ROBO2: variants seen among roughly 807,000 people sequenced by gnomAD.
ROBO2 encodes roundabout guidance receptor 2, also known as roundabout homolog 2.
ROBO2 carries 53 observed loss-of-function variants against 160.8 expected under a neutral mutation model. That is an observed-to-expected ratio of 0.33 (90% CI 0.26 to 0.41). The LOEUF is 0.41. Among genes scored for constraint, ROBO2 ranks in the 10% least tolerant of loss-of-function variants. The pLI is 1.00. For synonymous variants in ROBO2, 664 were observed against 611.7 expected, an observed-to-expected ratio of 1.09 and a Z score of -1.26; for missense variants, 1,577 against 1,722.4, an observed-to-expected ratio of 0.92 and a Z score of 1.49.
At chr3:77,485,886 G>A (rs1447327984) in intron 4 of ROBO2, among the ~76,000 whole-genome samples, 1 of 152,050 alleles carries the variant, frequency 6.6e-6, no homozygotes, top group African/African-American at 2.4e-5. Flanking sequence ...CTATCACCTA[G>A]GTATTAGGTC....
At chr3:76,987,429 T>A (rs1398763828) in intron 2 of ROBO2, among the ~76,000 whole-genome samples, 1 of 152,212 alleles carries the variant, frequency 6.6e-6, no homozygotes, top group African/African-American at 2.4e-5. Flanking sequence ...GATTGAAATC[T>A]TCATCAGGGT....
intron 2 of ROBO2, among the ~76,000 whole-genome samples, chr3:77,188,591 T>C (rs1386500820): frequency 6.6e-6 from 1 of 151,888 alleles, no homozygotes; most frequent in East Asian, 1.9e-4. Context: ...AAAGTGCCAG[T>C]AAAAGTAAAT....
chr3:76,504,263 T>C (rs1299646707), intron 2 of ROBO2, among the ~76,000 whole-genome samples: 1 of 152,214 alleles, frequency 6.6e-6, no homozygotes, highest in Non-Finnish European at 1.5e-5. Context: ...TACACTTTCA[T>C]GAGTGCACTG....
intron 2 of ROBO2, among the ~76,000 whole-genome samples, chr3:77,398,609 T>C (rs1306524526): frequency 6.6e-6 from 1 of 152,020 alleles, no homozygotes; most frequent in African/African-American, 2.4e-5. Flanking sequence ...TTAGAGACAG[T>C]CTCACTCTCC....
intron 2 of ROBO2, among the ~76,000 whole-genome samples, chr3:77,476,742 T>C (rs989738165): frequency 6.6e-6 from 1 of 152,070 alleles, no homozygotes; most frequent in African/African-American, 2.4e-5. Flanking sequence ...TTCTCCTTAA[T>C]GAAAGGAGGG....
chr3:76,138,032 C>A (rs2071494077), intron 2 of ROBO2, among the ~76,000 whole-genome samples: 5 of 151,952 alleles, frequency 3.3e-5, no homozygotes, highest in Admixed American at 3.3e-4. Context: ...ATCATGGGGA[C>A]AATTATTCTA....
intron 2 of ROBO2, among the ~76,000 whole-genome samples, chr3:77,240,312 C>T (rs185001443): frequency 4.1e-4 from 62 of 152,324 alleles, no homozygotes; most frequent in Middle Eastern, 3.4e-3. Flanking sequence ...GGCGCTCCCT[C>T]TGCAGCTGCT....
At chr3:76,938,530 T>C (rs1399542910) in intron 2 of ROBO2, among the ~76,000 whole-genome samples, 2 of 152,062 alleles carry the variant, frequency 1.3e-5, no homozygotes, top group Non-Finnish European at 2.9e-5. Context: ...TCTCTCTCTC[T>C]CTGAGCTTTT....
chr3:77,139,283 T>C (rs563072996), intron 2 of ROBO2, among the ~76,000 whole-genome samples: 13 of 152,316 alleles, frequency 8.5e-5, no homozygotes, highest in African/African-American at 3.1e-4. Flanking sequence ...GAAAACCTTG[T>C]ATTATACCTC....
intron 2 of ROBO2, among the ~76,000 whole-genome samples, chr3:77,373,188 T>A (rs920422429): frequency 7.5e-5 from 11 of 147,490 alleles, no homozygotes; most frequent in African/African-American, 2.0e-4. Flanking sequence ...TATTATATTT[T>A]AAAATTATTA....
intron 2 of ROBO2, among the ~76,000 whole-genome samples, chr3:76,223,034 C>A (rs1049291678): frequency 1.3e-5 from 2 of 151,892 alleles, no homozygotes; most frequent in African/African-American, 4.8e-5. Flanking sequence ...GTATTTCAGG[C>A]ATGCGCCACC....
chr3:77,509,801 A>C (rs567284426), intron 5 of ROBO2, among the ~76,000 whole-genome samples: 1 of 152,088 alleles, frequency 6.6e-6, no homozygotes, highest in African/African-American at 2.4e-5. Flanking sequence ...ACGGCTGCCT[A>C]CTAGGTTCAA....
At chr3:76,424,585 T>G (rs980673314) in intron 2 of ROBO2, among the ~76,000 whole-genome samples, 1 of 152,130 alleles carries the variant, frequency 6.6e-6, no homozygotes, top group Non-Finnish European at 1.5e-5. Context: ...AGAGATACTT[T>G]ATAGGGCCTA....
In ROBO2 at chr3:77,214,502, C is replaced by T. The variant is rs1395914290; in HGVS notation, c.388+116162C>T. On this transcript the variant is annotated intron_variant, in intron 2 of 25. Coordinates refer to ENST00000461745, the Ensembl canonical transcript of ROBO2. The stretch of plus-strand genomic sequence containing the variant: ...GCACATGAGATCAGTTTCCTGAATA[C>T]AGCACACTGATGGGTCTTGACTCTT... Among the ~76,000 whole-genome samples the T allele has an allele frequency of 2.6e-5, 4 of 152,162 alleles. 1 individual carries two copies. The South Asian group carries it at 6.2e-4, about 24-fold the overall frequency.
At chr3:76,579,786 CAAAAAAA>C (rs5850267) in intron 2 of ROBO2, among the ~76,000 whole-genome samples, 7 of 107,150 alleles carry the variant, frequency 6.5e-5, no homozygotes, top group South Asian at 3.0e-4. Context: ...GGTTGAGTTA[CAAAAAAA>C]AAAAAAAAAA....
intron 2 of ROBO2, among the ~76,000 whole-genome samples, chr3:76,247,785 A>G (rs1284153897): frequency 2.0e-5 from 3 of 152,084 alleles, no homozygotes; most frequent in Admixed American, 1.3e-4. Flanking sequence ...AATGAACTCA[A>G]ACAAATTTAC....
At chr3:76,066,504 TAA>T (rs2068259650) in intron 2 of ROBO2, among the ~76,000 whole-genome samples, 1 of 152,084 alleles carries the variant, frequency 6.6e-6, no homozygotes, top group Non-Finnish European at 1.5e-5. Flanking sequence ...ATAAGACTAA[TAA>T]GTTTTTGCAA....
intron 2 of ROBO2, among the ~76,000 whole-genome samples, chr3:76,883,282 A>G (rs887682557): frequency 2.6e-5 from 4 of 152,158 alleles, no homozygotes; most frequent in Non-Finnish European, 5.9e-5. Context: ...GAGCCTGAAA[A>G]AGTAGACTTC....
intron 2 of ROBO2, among the ~76,000 whole-genome samples, chr3:76,885,035 G>GA (rs2073738330): frequency 6.6e-6 from 1 of 152,220 alleles, no homozygotes; most frequent in East Asian, 1.9e-4. Context: ...CAAATCGGCT[G>GA]AAAAGGTCAA....
Sources: gnomAD v4.1 joint callset for allele counts (sites outside exome capture counted in the v4.1 genomes callset) on GRCh38, gnomAD v4.1.1 for gene constraint, MANE v1.5 for transcripts, NCBI Gene and HGNC (gene_info 2026-07-23, HGNC 2026-07-21) for gene names.